Variants in NCBP1 observed in about 807,000 individuals in gnomAD.
The protein encoded by NCBP1 is nuclear cap binding protein subunit 1.
A neutral mutation model predicts 111.7 loss-of-function variants in NCBP1; 16 were observed. The observed-to-expected ratio is 0.14, with a 90% CI of 0.10 to 0.22. The LOEUF (loss-of-function observed/expected upper bound fraction) is 0.22. Ranked by LOEUF, NCBP1 falls within the 10% of genes least tolerant of loss-of-function variation. The probability of loss-of-function intolerance (pLI) is 1.00; values close to 1 mark genes in which losing one functional copy is unlikely to be tolerated. For missense variants in NCBP1, 607 were observed against 957.5 expected, an observed-to-expected ratio of 0.63 and a Z score of 4.83; for synonymous variants, 304 against 314.3, an observed-to-expected ratio of 0.97 and a Z score of 0.35.
chr9:97,640,390 C>T (rs966085900), intron 1 of NCBP1, among the ~76,000 whole-genome samples: 18 of 152,062 alleles, frequency 1.2e-4, no homozygotes, highest in Admixed American at 7.2e-4. Flanking sequence ...CTGGTACTAA[C>T]AGGTTTCGGA....
At chr9:97,651,243 G>A (rs1827490143) in intron 9 of NCBP1, 67 bp from the exon 10 acceptor site, 2 of 1,361,836 alleles carry the variant, frequency 1.5e-6, no homozygotes, top group Non-Finnish European at 2.0e-6. Flanking sequence ...CATTGCTTTT[G>A]AAACTGCTTA....
intron 4 of NCBP1, among the ~76,000 whole-genome samples, chr9:97,643,757 C>T (rs147185269): frequency 6.6e-6 from 1 of 152,252 alleles, no homozygotes; most frequent in African/African-American, 2.4e-5. Flanking sequence ...CAATCCCTGT[C>T]AATTCTGTCT....
Position 97,664,249 on chromosome 9 carries a change from C to T in NCBP1, c.1798-91C>T, listed in dbSNP as rs929748126. ...ACCAAAACTAAATTTTATAGCCCTC[C>T]TATTTTACTTTTATAGCAGCAGTGT... On this transcript the variant is annotated intron_variant, in intron 18 of 22. Transcript: ENST00000375147. 4.5e-5 allele frequency: 33 copies of T among 740,896 alleles called. No individual in the cohort carries two copies. In the Admixed American group the frequency reaches 8.2e-4, roughly 18 times the overall value. 45.9% of individuals were successfully genotyped at this position (740,896 alleles called of 1,614,324 possible). A position where few individuals can be genotyped will look rare whatever the true frequency, so the allele number is the denominator to read the frequency against.
At chr9:97,659,366 T>C (rs2131356556) in intron 15 of NCBP1, among the ~76,000 whole-genome samples, 1 of 152,340 alleles carries the variant, frequency 6.6e-6, no homozygotes, top group Non-Finnish European at 1.5e-5. Context: ...TTTTGTGTTG[T>C]GTAGAGGTTC....
chr9:97,643,108 C>G, intron 3 of NCBP1, 96 bp from the exon 4 acceptor site: 2 of 1,275,018 alleles, frequency 1.6e-6, no homozygotes, highest in Non-Finnish European at 2.1e-6. Context: ...TAATCCTGTT[C>G]CAAAGTTAAT....
At chr9:97,647,373 C>A in intron 6 of NCBP1, 119 bp from the exon 7 acceptor site, 1 of 692,232 alleles carries the variant, frequency 1.4e-6, no homozygotes, top group Non-Finnish European at 2.5e-6. Context: ...TTGATATCTG[C>A]CACTCCAGTA....
rs1385303516 is a variant in NCBP1 at position 97,672,478 on chromosome 9, T to C, written c.*1279T>C. ...ATACTATTTAAGACAAAATACAAAA[T>C]ATCCAGAAAAATCCAGGTTGCGTGG... is the stretch of plus-strand genomic sequence containing the variant. On this transcript the variant is annotated 3_prime_UTR_variant, in exon 23 of 23. Transcript: ENST00000375147. 6.6e-6 allele frequency: 1 copy of C among 152,238 alleles called. No individual in the cohort carries two copies. Among genetic ancestry groups the C allele is most frequent in the East Asian group, 1.9e-4 (1 of 5,202 alleles). The allele number at this position is 152,238 out of a possible 1,614,324, so 9.4% of individuals were successfully genotyped here.
In NCBP1 at chr9:97,668,920, A is replaced by G; in HGVS notation, c.2091A>G (p.Glu697=). The G allele has an allele frequency of 1.9e-6, 3 of 1,613,784 alleles. No individual in the cohort carries two copies. The highest frequency in any genetic ancestry group is 1.7e-6 in the Non-Finnish European group (2 of 1,179,742). Residue 697 remains glutamate, a synonymous_variant, in exon 21 of 23, where the codon GAA becomes GAG. Transcript: ENST00000375147. ...AGGAACAAATAGAACGACTTCAGGA[A>G]AAAGTGGAATCTGCTCAGAGTGAAC... ...VLEEQIERLQ[E]KVESAQSEQK... is the part of the protein sequence containing the mutation.
intron 1 of NCBP1, among the ~76,000 whole-genome samples, chr9:97,640,152 G>C (rs1414234130): frequency 6.6e-6 from 1 of 152,132 alleles, no homozygotes; most frequent in Non-Finnish European, 1.5e-5. Flanking sequence ...TGCATCATAT[G>C]CAGAACTGAA....
chr9:97,650,615 A>G lies in NCBP1; in HGVS notation c.995+15A>G, dbSNP rs1358188148. 6.9e-6 allele frequency: 11 copies of G among 1,602,996 alleles called. No homozygotes were observed. Among genetic ancestry groups the G allele is most frequent in the South Asian group, 1.1e-5 (1 of 90,440 alleles). On this transcript the variant is annotated intron_variant, in intron 9 of 22. Coordinates refer to ENST00000375147, the MANE Select transcript of NCBP1 (RefSeq NM_002486.5). Reference sequence around the variant, plus strand: ...AGGAAGACTTGGTAAGATTCTTTTCATGGTACTTTTAGAAGGGAGAGAAGC... The same window carrying G: ...AGGAAGACTTGGTAAGATTCTTTTCGTGGTACTTTTAGAAGGGAGAGAAGC...
At chr9:97,650,314 T>C (rs1233284363) in intron 8 of NCBP1, among the ~76,000 whole-genome samples, 189 bp from the exon 9 acceptor site, 1 of 152,218 alleles carries the variant, frequency 6.6e-6, no homozygotes, top group Non-Finnish European at 1.5e-5. Context: ...ACACTACAGC[T>C]GATACTCTGG....
intron 10 of NCBP1, among the ~76,000 whole-genome samples, chr9:97,652,466 G>GA (rs1345798208): frequency 1.3e-5 from 2 of 151,940 alleles, no homozygotes; most frequent in African/African-American, 2.4e-5. Flanking sequence ...AAAAATACAA[G>GA]AAAAAAAAGA....
In NCBP1 at chr9:97,658,428, G is replaced by A. The variant is rs553906115; in HGVS notation, c.1374-212G>A. ...ACCAGGCTCATGAGCTCACTCACCC[G>A]CACCTCAGTGCAAGCCAGTGAGTTT... On this transcript the variant is annotated intron_variant, in intron 14 of 22. Transcript: ENST00000375147. 2.6e-5 allele frequency among the ~76,000 whole-genome samples: 4 copies of A among 152,236 alleles called. No homozygotes were observed. In the South Asian group the frequency reaches 6.2e-4, roughly 24 times the overall value.
At chr9:97,653,119 C>CTTTTTTTTT (rs57742118) in intron 10 of NCBP1, among the ~76,000 whole-genome samples, 2 of 123,580 alleles carry the variant, frequency 1.6e-5, no homozygotes, top group East Asian at 2.4e-4. Context: ...TAAAAGAATT[C>CTTTTTTTTT]TTTTTTTTTT....
chr9:97,656,214 A>AAGACTTAGGCTAAGACT (rs1222165677), intron 14 of NCBP1, 129 bp downstream of exon 14: 3 of 780,326 alleles, frequency 3.8e-6, no homozygotes, highest in Non-Finnish European at 6.1e-6. Context: ...ATTTTTAATC[A>AAGACTTAGGCTAAGACT]AGACTTAGGC....
At chr9:97,645,969 G>A (rs1266479262) in intron 6 of NCBP1, among the ~76,000 whole-genome samples, 4 of 152,168 alleles carry the variant, frequency 2.6e-5, no homozygotes, top group African/African-American at 9.6e-5. Context: ...GCTTTTATAT[G>A]TTTGTTTATA....
At chr9:97,661,166 C>G in intron 16 of NCBP1, 98 bp downstream of exon 16, 1 of 1,477,356 alleles carries the variant, frequency 6.8e-7, no homozygotes, top group Middle Eastern at 2.0e-4. Flanking sequence ...AGCAATATAT[C>G]TATATCTGTT....
Position 97,659,487 on chromosome 9 carries a change from G to C in NCBP1, c.1477+744G>C, listed in dbSNP as rs142759533. Among the ~76,000 whole-genome samples, 258 of 152,180 alleles carry C rather than the reference G, an allele frequency of 1.7e-3. 2 individuals are homozygous for C. The highest frequency in any genetic ancestry group is 5.8e-3 in the African/African-American group (239 of 41,524). On this transcript the variant is annotated intron_variant, in intron 15 of 22. Coordinates refer to ENST00000375147, the MANE Select transcript of NCBP1 (RefSeq NM_002486.5). ...CCTTGAAATGAACTGTGTCGGTCCT[G>C]GTACATTTCCTATTTCATTATGTCA...
Position 97,672,107 on chromosome 9 carries a change from G to A in NCBP1, c.*908G>A, listed in dbSNP as rs1828210139. On this transcript the variant is annotated 3_prime_UTR_variant, in exon 23 of 23. Transcript: ENST00000375147. ...GGAACCTGATCCAAAAAACTACGAA[G>A]TCCTGAGCTTGTTTCCTGTATAGTA... is the stretch of plus-strand genomic sequence containing the variant. The A allele has an allele frequency of 6.6e-6, 1 of 152,194 alleles. No individual in the cohort carries two copies. Among genetic ancestry groups the A allele is most frequent in the Admixed American group, 6.5e-5 (1 of 15,276 alleles). The allele number at this position is 152,194 out of a possible 1,614,324, so 9.4% of individuals were successfully genotyped here.
Sources: allele counts gnomAD v4.1 joint callset (sites outside exome capture counted in the v4.1 genomes callset), GRCh38; gene constraint gnomAD v4.1.1; transcripts MANE v1.5; gene names NCBI Gene and HGNC (gene_info 2026-07-23, HGNC 2026-07-21).